The following LTBP1 variants were observed in gnomAD, a reference collection of about 807,000 sequenced individuals.
LTBP1 encodes latent-transforming growth factor beta-binding protein 1.
Under a neutral mutation model 207.6 loss-of-function variants are expected in LTBP1, and 129 were observed. That is an observed-to-expected ratio of 0.62 (90% CI 0.54 to 0.72). The LOEUF (loss-of-function observed/expected upper bound fraction) is 0.72. Among genes scored for constraint, LTBP1 ranks in the 30% least tolerant of loss-of-function variants. LTBP1 has a pLI of 0.00. For missense variants in LTBP1, 2,281 were observed against 2,217.2 expected, an observed-to-expected ratio of 1.03 and a Z score of -0.58; for synonymous variants, 963 against 833.7, an observed-to-expected ratio of 1.16 and a Z score of -2.67.
chr2:33,002,113 T>C lies in LTBP1; in HGVS notation c.566-18796T>C, dbSNP rs565688193. Reference sequence around the variant, plus strand: ...CCTCCTGGACATGTCCCCTCATTTGTTGAAATGTTTTGACCAGGCAAATGA... The same window carrying C: ...CCTCCTGGACATGTCCCCTCATTTGCTGAAATGTTTTGACCAGGCAAATGA... On this transcript the variant is annotated intron_variant, in intron 2 of 33. Coordinates refer to ENST00000404816, the MANE Select transcript of LTBP1 (RefSeq NM_206943.4). Among the ~76,000 whole-genome samples the C allele has an allele frequency of 7.1e-5, 8 of 113,054 alleles. 3 individuals carry two copies. In the South Asian group the frequency reaches 9.6e-4, roughly 14 times the overall value. The allele number at this position is 113,054 out of a possible 152,430, so 74.2% of individuals were successfully genotyped here.
intron 3 of LTBP1, among the ~76,000 whole-genome samples, chr2:33,067,637 C>A (rs1244819840): frequency 6.6e-6 from 1 of 152,184 alleles, no homozygotes; most frequent in Non-Finnish European, 1.5e-5. Context: ...CAACTATTTA[C>A]ATAGCATTTA....
chr2:33,271,290 C>T (rs542768308), intron 15 of LTBP1, among the ~76,000 whole-genome samples: 2 of 139,760 alleles, frequency 1.4e-5, no homozygotes, highest in East Asian at 4.3e-4. Flanking sequence ...TATATTAATT[C>T]ACCTTCTAAT....
intron 15 of LTBP1, among the ~76,000 whole-genome samples, chr2:33,266,181 G>C (rs1202574098): frequency 6.6e-6 from 1 of 152,240 alleles, no homozygotes; most frequent in Non-Finnish European, 1.5e-5. Context: ...TTGTGGCCAA[G>C]CCCAAGTGCT....
intron 5 of LTBP1, among the ~76,000 whole-genome samples, chr2:33,159,842 G>C (rs1195378869): frequency 2.0e-5 from 3 of 152,112 alleles, no homozygotes; most frequent in Non-Finnish European, 4.4e-5. Context: ...TTATTTCCAT[G>C]TACCGATTAG....
chr2:33,244,627 A>T (rs1251184130), intron 10 of LTBP1, among the ~76,000 whole-genome samples: 5 of 152,202 alleles, frequency 3.3e-5, no homozygotes, highest in African/African-American at 9.7e-5. Context: ...GCCCATTATT[A>T]TAGGTAAGCA....
chr2:33,005,515 G>T (rs1686719503), intron 2 of LTBP1, among the ~76,000 whole-genome samples: 1 of 151,458 alleles, frequency 6.6e-6, no homozygotes, highest in Non-Finnish European at 1.5e-5. Flanking sequence ...TCAGGTCTTA[G>T]TATGGCACTT....
chr2:33,363,580 A>G lies in LTBP1; in HGVS notation c.4399+62A>G, dbSNP rs528623535. On this transcript the variant is annotated intron_variant, in intron 29 of 33. Transcript: ENST00000404816. Reference sequence around the variant, plus strand: ...AAATATACAGATGGAAAAAATAACTATGCTATGTAGTAAAAACAATTTCCT... The same window carrying G: ...AAATATACAGATGGAAAAAATAACTGTGCTATGTAGTAAAAACAATTTCCT... 919 of 1,515,288 alleles carry G rather than the reference A, an allele frequency of 6.1e-4. 1 individual carries two copies. Among genetic ancestry groups the G allele is most frequent in the Non-Finnish European group, 7.8e-4 (877 of 1,118,306 alleles). 93.9% of individuals were successfully genotyped at this position (1,515,288 alleles called of 1,614,324 possible).
chr2:32,984,148 C>G (rs149759548), intron 2 of LTBP1, among the ~76,000 whole-genome samples: 4 of 152,136 alleles, frequency 2.6e-5, no homozygotes, highest in Non-Finnish European at 5.9e-5. Context: ...AATTACCTAC[C>G]GTGTGATAAG....
intron 18 of LTBP1, among the ~76,000 whole-genome samples, chr2:33,278,364 A>T (rs896587267): frequency 6.6e-6 from 1 of 152,214 alleles, no homozygotes; most frequent in African/African-American, 2.4e-5. Flanking sequence ...CTTGAAAAGA[A>T]GAAGGAGCCA....
chr2:32,997,618 G>A (rs958807754), intron 2 of LTBP1, among the ~76,000 whole-genome samples: 3 of 152,152 alleles, frequency 2.0e-5, no homozygotes, highest in East Asian at 1.9e-4. Flanking sequence ...TGGGATGGTC[G>A]GGATCCTGTG....
intron 3 of LTBP1, among the ~76,000 whole-genome samples, chr2:33,036,793 A>G (rs188121955): frequency 6.6e-6 from 1 of 152,300 alleles, no homozygotes; most frequent in African/African-American, 2.4e-5. Flanking sequence ...CTTCTGTTGC[A>G]TAGTTTAAAA....
chr2:33,365,677 T>C (rs1315883902), intron 31 of LTBP1, among the ~76,000 whole-genome samples, 174 bp downstream of exon 31: 1 of 151,480 alleles, frequency 6.6e-6, no homozygotes, highest in Non-Finnish European at 1.5e-5. Flanking sequence ...AACATTTGGC[T>C]CCTGGTTTAC....
intron 5 of LTBP1, among the ~76,000 whole-genome samples, chr2:33,175,434 C>T (rs1266523538): frequency 6.6e-6 from 1 of 151,956 alleles, no homozygotes; most frequent in Non-Finnish European, 1.5e-5. Flanking sequence ...CAGAGAAATG[C>T]AAATCAAAAC....
At chr2:33,220,665 A>G (rs2149410351) in intron 8 of LTBP1, among the ~76,000 whole-genome samples, 1 of 152,310 alleles carries the variant, frequency 6.6e-6, no homozygotes, top group South Asian at 2.1e-4. Context: ...ACAAGTTCAT[A>G]TCCATCTCTT....
intron 4 of LTBP1, among the ~76,000 whole-genome samples, chr2:33,121,324 A>G (rs1162629212): frequency 6.6e-6 from 1 of 152,064 alleles, no homozygotes; most frequent in East Asian, 1.9e-4. Flanking sequence ...GTGTTTTGTG[A>G]AAAACATCAT....
In LTBP1 at chr2:33,257,497, TG is replaced by T; in HGVS notation, c.2383del (p.Ala795ArgfsTer46). On this transcript the variant is annotated frameshift_variant, in exon 12 of 34. Transcript: ENST00000404816. LOFTEE classifies it high-confidence loss of function. ...TTCTCCCGGGAACACGGGCCAGGAG[TG>T]GCGGAGCCAGAAGGTGAGAGCGGTA... ...LTFSREHGPG[V>X]AEPEVATAPP... 1 of 1,613,928 alleles carries T rather than the reference TG, an allele frequency of 6.2e-7. No individual in the cohort carries two copies. The highest frequency in any genetic ancestry group is 2.2e-5 in the East Asian group (1 of 44,862).
intron 22 of LTBP1, among the ~76,000 whole-genome samples, chr2:33,302,539 A>G (rs1021359724): frequency 7.2e-5 from 11 of 152,170 alleles, no homozygotes; most frequent in African/African-American, 2.4e-4. Context: ...TACAGCATCT[A>G]CATTTCTGAC....
chr2:33,037,011 T>C (rs2075959262), intron 3 of LTBP1, among the ~76,000 whole-genome samples: 1 of 152,162 alleles, frequency 6.6e-6, no homozygotes, highest in South Asian at 2.1e-4. Flanking sequence ...TCCATTTCTA[T>C]CTCATTGCTA....
chr2:33,223,791 C>G (rs2091273100), intron 9 of LTBP1, among the ~76,000 whole-genome samples: 1 of 152,110 alleles, frequency 6.6e-6, no homozygotes, highest in East Asian at 1.9e-4. Flanking sequence ...TTAATAAAGT[C>G]AACCAAGTTT....
Sources: allele counts gnomAD v4.1 joint callset (sites outside exome capture counted in the v4.1 genomes callset), GRCh38; gene constraint gnomAD v4.1.1; transcripts MANE v1.5; gene names NCBI Gene and HGNC (gene_info 2026-07-23, HGNC 2026-07-21).